ZNF787: variants seen among roughly 807,000 people sequenced by gnomAD.
ZNF787 encodes the protein TTF-I-interacting peptide 20.
In ZNF787, 7 loss-of-function variants were observed where a neutral mutation model predicts 16.9. The ratio of observed to expected loss-of-function variants is 0.42; its 90% CI spans 0.24 to 0.78. The LOEUF is 0.78. ZNF787 is among the 30% of genes least tolerant of loss of function. The pLI is 0.30. For synonymous variants in ZNF787, 345 were observed against 270.9 expected, an observed-to-expected ratio of 1.27 and a Z score of -2.69; for missense variants, 551 against 589.3, an observed-to-expected ratio of 0.94 and a Z score of 0.67.
chr19:56,091,290 C>T (rs537428912), intron 2 of ZNF787, among the ~76,000 whole-genome samples: 1 of 152,126 alleles, frequency 6.6e-6, no homozygotes, highest in Non-Finnish European at 1.5e-5. Flanking sequence ...GCTTTGTTTT[C>T]GAAGCTGTGA....
chr19:56,112,417 T>C (rs535053268), intron 1 of ZNF787, among the ~76,000 whole-genome samples: 142 of 152,202 alleles, frequency 9.3e-4, no homozygotes, highest in African/African-American at 3.3e-3. Flanking sequence ...CGGGCAGGGG[T>C]GCGTTCCCCT....
At position 56,111,423 on chromosome 19, in the gene ZNF787, G is replaced by T. The variant is rs140751139; in HGVS notation, c.-10-8196C>A. Among the ~76,000 whole-genome samples the T allele has an allele frequency of 2.0e-4, 30 of 152,286 alleles. No individual in the cohort carries two copies. In the East Asian group the frequency reaches 5.8e-3, roughly 29 times the overall value. ...AGGGCACAAGGGCTTGGTGCTGGGG[G>T]CTCCTAGCCTGGGCTTGGGGGTCTC... On this transcript the variant is annotated intron_variant, in intron 1 of 2. Coordinates refer to ENST00000610935, the MANE Select transcript of ZNF787 (RefSeq NM_001002836.4).
chr19:56,117,551 G>A (rs1045972023), intron 1 of ZNF787, among the ~76,000 whole-genome samples: 4 of 152,250 alleles, frequency 2.6e-5, no homozygotes, highest in African/African-American at 9.6e-5. Context: ...GAGCCACAAC[G>A]TAGGAGGCTG....
Position 56,087,496 on chromosome 19 carries a change from C to G in ZNF787, c.*527G>C, listed in dbSNP as rs939434990. 2 of 152,296 alleles carry G rather than the reference C, an allele frequency of 1.3e-5. No individual in the cohort carries two copies. Among genetic ancestry groups the G allele is most frequent in the East Asian group, 3.9e-4 (2 of 5,168 alleles). The allele number at this position is 152,296 out of a possible 1,614,324, so 9.4% of individuals were successfully genotyped here. On this transcript the variant is annotated 3_prime_UTR_variant, in exon 3 of 3. Transcript: ENST00000610935. ...GAATCCAGGAGGGGAAGGAACGACT[C>G]GAGCTCTAAGGATGGGACCCGGAAG...
intron 2 of ZNF787, 37 bp downstream of exon 2, chr19:56,103,102 G>T (rs1453828149): frequency 1.2e-6 from 2 of 1,606,848 alleles, no homozygotes; most frequent in East Asian, 4.5e-5. Flanking sequence ...CAGGTGGGAG[G>T]CAGCGGGGTC....
intron 2 of ZNF787, among the ~76,000 whole-genome samples, chr19:56,100,736 C>T (rs1986060939): frequency 1.4e-5 from 2 of 146,384 alleles, no homozygotes; most frequent in Admixed American, 1.4e-4. Flanking sequence ...ACCCCCGCCA[C>T]TCCACCCCCA....
At chr19:56,098,011 C>T (rs1290259526) in intron 2 of ZNF787, among the ~76,000 whole-genome samples, 1 of 152,200 alleles carries the variant, frequency 6.6e-6, no homozygotes, top group African/African-American at 2.4e-5. Flanking sequence ...AGGGCACCCC[C>T]GGTCAGCACC....
intron 2 of ZNF787, among the ~76,000 whole-genome samples, chr19:56,094,279 G>A (rs1280304394): frequency 1.5e-5 from 2 of 134,402 alleles, no homozygotes; most frequent in Admixed American, 8.3e-5. Context: ...TGATCCACCC[G>A]CCTTGGCCTC....
At chr19:56,117,780 G>A (rs2030180776) in intron 1 of ZNF787, among the ~76,000 whole-genome samples, 1 of 152,214 alleles carries the variant, frequency 6.6e-6, no homozygotes, top group Non-Finnish European at 1.5e-5. Flanking sequence ...TGAGGGCGGG[G>A]CTATTTCCAG....
At position 56,109,404 on chromosome 19, in the gene ZNF787, G is replaced by C. The variant is rs114062986; in HGVS notation, c.-10-6177C>G. Among the ~76,000 whole-genome samples, 515 of 152,262 alleles carry C rather than the reference G, an allele frequency of 3.4e-3. 8 individuals carry two copies. Among genetic ancestry groups the C allele is most frequent in the African/African-American group, 0.012 (497 of 41,560 alleles). On this transcript the variant is annotated intron_variant, in intron 1 of 2. Coordinates refer to ENST00000610935, the MANE Select transcript of ZNF787 (RefSeq NM_001002836.4). ...CCACGTGAAACACGCCCTCCTCGTA[G>C]AGGAAGAGGACGTGCTCATCACCAG...
At chr19:56,089,342 G>A (rs1186545220) in intron 2 of ZNF787, among the ~76,000 whole-genome samples, 1 of 152,146 alleles carries the variant, frequency 6.6e-6, no homozygotes, top group Non-Finnish European at 1.5e-5. Context: ...CCCAGACACA[G>A]AAGGCCTGGT....
intron 2 of ZNF787, among the ~76,000 whole-genome samples, chr19:56,100,455 G>A (rs562907): frequency 0.14 from 20,838 of 152,166 alleles, 1,947 homozygotes; most frequent in African/African-American, 0.27. Flanking sequence ...CGCTAATTCC[G>A]CAGAAGAGGC....
chr19:56,099,121 C>T (rs944625153), intron 2 of ZNF787, among the ~76,000 whole-genome samples: 1 of 152,184 alleles, frequency 6.6e-6, no homozygotes, highest in African/African-American at 2.4e-5. Flanking sequence ...CACTGCTGTC[C>T]GGGTTCCCTG....
intron 1 of ZNF787, among the ~76,000 whole-genome samples, chr19:56,113,688 CGCAGGGAGGCAGGGAG>C (rs149953727): frequency 2.0e-5 from 1 of 50,902 alleles, no homozygotes; most frequent in Non-Finnish European, 8.8e-5. Context: ...GGAACCGGGA[CGCAGGGAGGCAGGGAG>C]GCAGGGAGGG....
At chr19:56,120,773 C>T (rs987458641) in intron 1 of ZNF787, among the ~76,000 whole-genome samples, 3 of 151,250 alleles carry the variant, frequency 2.0e-5, no homozygotes, top group African/African-American at 7.3e-5. Context: ...CCACGACCGG[C>T]GGAGTTGGAA....
At chr19:56,105,949 CCCCCCTCCGCGCCCACGGCAGTCACCG>C in intron 1 of ZNF787, among the ~76,000 whole-genome samples, 2 of 143,382 alleles carry the variant, frequency 1.4e-5, no homozygotes, top group African/African-American at 5.3e-5. Context: ...ACCGCGCATT[CCCCCCTCCGCGCCCACGGCAGTCACCG>C]CGCATTCCCC....
At chr19:56,111,204 ACAGCCAGGCC>A (rs2029970001) in intron 1 of ZNF787, among the ~76,000 whole-genome samples, 8 of 2,932 alleles carry the variant, frequency 2.7e-3, no homozygotes, top group Admixed American at 7.2e-3. Flanking sequence ...TTTCCAGGCC[ACAGCCAGGCC>A]AAGGAGGCAC....
chr19:56,120,328 G>A (rs1359736744), intron 1 of ZNF787, among the ~76,000 whole-genome samples: 1 of 152,222 alleles, frequency 6.6e-6, no homozygotes, highest in Non-Finnish European at 1.5e-5. Context: ...CCTGGACTGG[G>A]GGTCGGGGTG....
chr19:56,091,925 AAG>A (rs1985594485), intron 2 of ZNF787, among the ~76,000 whole-genome samples: 5 of 101,058 alleles, frequency 4.9e-5, no homozygotes, highest in African/African-American at 2.2e-4. Context: ...GCCGCAGCCG[AAG>A]CCGAAGCCGA....
Sources: gnomAD v4.1 joint callset for allele counts (sites outside exome capture counted in the v4.1 genomes callset) on GRCh38, gnomAD v4.1.1 for gene constraint, MANE v1.5 for transcripts, NCBI Gene and HGNC (gene_info 2026-07-23, HGNC 2026-07-21) for gene names.